Variants in SHISA9 observed in about 807,000 individuals in gnomAD.
SHISA9 encodes the protein shisa family member 9.
In SHISA9, 13 loss-of-function variants were observed where a neutral mutation model predicts 38.0. That is an observed-to-expected ratio of 0.34 (90% CI 0.22 to 0.54). The LOEUF is 0.54. Among genes scored for constraint, SHISA9 ranks in the 20% least tolerant of loss-of-function variants. The pLI, the probability that SHISA9 is intolerant of heterozygous loss-of-function variation, is 0.91. For missense variants in SHISA9, 538 were observed against 575.8 expected (o/e 0.93, Z 0.67); for synonymous variants, 275 against 242.0 (o/e 1.14, Z -1.27).
chr16:13,125,835 A>C (rs1237724415), intron 2 of SHISA9, among the ~76,000 whole-genome samples: 1 of 152,202 alleles, frequency 6.6e-6, no homozygotes, highest in Non-Finnish European at 1.5e-5. Flanking sequence ...TTATTTGTTT[A>C]TTGTTCATTG....
chr16:12,980,555 A>G (rs1361429861), intron 2 of SHISA9, among the ~76,000 whole-genome samples: 7 of 150,968 alleles, frequency 4.6e-5, no homozygotes, highest in African/African-American at 1.5e-4. Context: ...AATTTTCACT[A>G]CAATGTGTCT....
At chr16:13,186,202 G>C (rs450607) in intron 2 of SHISA9, among the ~76,000 whole-genome samples, 1 of 148,342 alleles carries the variant, frequency 6.7e-6, no homozygotes, top group East Asian at 2.1e-4. Context: ...TAAAGGACAT[G>C]TATGTGAAGC....
At chr16:13,504,845 G>T in the SHISA9 span, among the ~76,000 whole-genome samples, 438 of 152,246 alleles carry the variant, frequency 2.9e-3, 1 homozygote, top group Non-Finnish European at 4.6e-3. Context: ...TCACAGAAAG[G>T]TTAAACAAAT....
At chr16:12,986,649 T>C (rs1020660255) in intron 2 of SHISA9, among the ~76,000 whole-genome samples, 19 of 152,310 alleles carry the variant, frequency 1.2e-4, no homozygotes, top group African/African-American at 4.3e-4. Flanking sequence ...AGACTGTCTT[T>C]CTAGAATCCA....
the SHISA9 span, among the ~76,000 whole-genome samples, chr16:13,540,481 T>C: frequency 4.6e-4 from 70 of 152,192 alleles, no homozygotes; most frequent in Non-Finnish European, 1.8e-4. Context: ...ACACTGTTTC[T>C]CAGAAATTTT....
At chr16:13,528,741 A>G in the SHISA9 span, among the ~76,000 whole-genome samples, 1 of 152,166 alleles carries the variant, frequency 6.6e-6, no homozygotes, top group Admixed American at 6.5e-5. Context: ...TAAAATCCCT[A>G]ATTAATTGAG....
the SHISA9 span, among the ~76,000 whole-genome samples, chr16:13,493,869 A>C: frequency 6.6e-6 from 1 of 152,102 alleles, no homozygotes; most frequent in Non-Finnish European, 1.5e-5. Context: ...CATACATTAC[A>C]CCAGGAATAT....
At chr16:13,367,853 C>T in the SHISA9 span, among the ~76,000 whole-genome samples, 3 of 151,998 alleles carry the variant, frequency 2.0e-5, no homozygotes, top group Admixed American at 2.0e-4. Flanking sequence ...CCATTCAAAT[C>T]CACACCATTA....
the SHISA9 span, among the ~76,000 whole-genome samples, chr16:13,314,155 A>G: frequency 3.3e-5 from 5 of 152,118 alleles, no homozygotes; most frequent in African/African-American, 4.8e-5. Flanking sequence ...ATTCTAAAGC[A>G]ATTCATTATG....
At chr16:13,088,039 T>C (rs956230148) in intron 2 of SHISA9, among the ~76,000 whole-genome samples, 3 of 152,354 alleles carry the variant, frequency 2.0e-5, no homozygotes, top group Middle Eastern at 3.4e-3. Context: ...TTTCTACATA[T>C]GGCTAGCCAG....
Position 13,237,120 on chromosome 16 carries a change from A to C in SHISA9, c.*1711A>C, listed in dbSNP as rs968040792. The C allele has an allele frequency of 7.2e-5, 11 of 152,162 alleles. No homozygotes were observed. Among genetic ancestry groups the C allele is most frequent in the Admixed American group, 6.5e-4 (10 of 15,280 alleles). The allele number at this position is 152,162 out of a possible 1,614,324, so 9.4% of individuals were successfully genotyped here. ...AGCAACTCTGGTGTCAGAAGCTATA[A>C]ATGGTCTGGCCAAACAAGACTCAGA... On this transcript the variant is annotated 3_prime_UTR_variant, in exon 5 of 5. Coordinates refer to ENST00000558583, the MANE Select transcript of SHISA9 (RefSeq NM_001145204.3).
At chr16:13,036,532 G>C (rs993489281) in intron 2 of SHISA9, among the ~76,000 whole-genome samples, 3 of 152,100 alleles carry the variant, frequency 2.0e-5, no homozygotes, top group Non-Finnish European at 2.9e-5. Flanking sequence ...GAAATATTCT[G>C]TATCTTGATG....
At chr16:13,024,529 T>C (rs1161735537) in intron 2 of SHISA9, among the ~76,000 whole-genome samples, 1 of 152,202 alleles carries the variant, frequency 6.6e-6, no homozygotes, top group Admixed American at 6.5e-5. Flanking sequence ...GGATTTGGAT[T>C]CCTTACTCCC....
At chr16:13,196,593 G>C (rs573963131) in intron 2 of SHISA9, among the ~76,000 whole-genome samples, 60 of 152,108 alleles carry the variant, frequency 3.9e-4, no homozygotes, top group African/African-American at 1.4e-3. Context: ...ATGGACATTA[G>C]GTAAAAACTA....
the SHISA9 span, among the ~76,000 whole-genome samples, chr16:13,327,351 C>T: frequency 6.6e-6 from 1 of 152,096 alleles, no homozygotes; most frequent in Non-Finnish European, 1.5e-5. Flanking sequence ...TGCGGTGTCT[C>T]ATGCCTATAA....
In SHISA9 at chr16:12,927,437, C is replaced by T. The variant is rs982546820; in HGVS notation, c.691+10622C>T. Reference sequence around the variant, plus strand: ...ATCTGGTGACAGGGTCTTGCTCTGCCGCCTAGGCTGGAGTGCAGTGGTGAG... The same window carrying T: ...ATCTGGTGACAGGGTCTTGCTCTGCTGCCTAGGCTGGAGTGCAGTGGTGAG... On this transcript the variant is annotated intron_variant, in intron 2 of 4. Transcript: ENST00000558583. Among the ~76,000 whole-genome samples the T allele has an allele frequency of 1.8e-4, 28 of 152,164 alleles. No homozygotes were observed. In the South Asian group the frequency reaches 4.2e-3, roughly 23 times the overall value.
At chr16:13,258,834 C>T in the SHISA9 span, among the ~76,000 whole-genome samples, 4 of 152,152 alleles carry the variant, frequency 2.6e-5, no homozygotes, top group Non-Finnish European at 5.9e-5. Flanking sequence ...TGGGTCCTTC[C>T]CACAATACAT....
chr16:12,984,936 T>A (rs1372255906), intron 2 of SHISA9, among the ~76,000 whole-genome samples: 22 of 152,142 alleles, frequency 1.4e-4, no homozygotes, highest in Admixed American at 1.4e-3. Context: ...CTAATGTATG[T>A]CCAGAGCTCC....
At chr16:13,134,752 C>G (rs2050333903) in intron 2 of SHISA9, among the ~76,000 whole-genome samples, 1 of 152,056 alleles carries the variant, frequency 6.6e-6, no homozygotes, top group African/African-American at 2.4e-5. Context: ...TAACAAGTAT[C>G]CTCAAACATC....
Sources: gnomAD v4.1 joint callset for allele counts (sites outside exome capture counted in the v4.1 genomes callset) on GRCh38, gnomAD v4.1.1 for gene constraint, MANE v1.5 for transcripts, NCBI Gene and HGNC (gene_info 2026-07-23, HGNC 2026-07-21) for gene names.